Variants in RABGAP1L observed in about 807,000 individuals in gnomAD.
RABGAP1L encodes rab GTPase-activating protein 1-like.
RABGAP1L carries 63 observed loss-of-function variants against 137.7 expected under a neutral mutation model. The observed-to-expected ratio is 0.46, with a 90% CI of 0.37 to 0.56. The LOEUF (loss-of-function observed/expected upper bound fraction) is 0.56. Ranked by LOEUF, RABGAP1L falls within the 20% of genes least tolerant of loss-of-function variation. The pLI is 0.00. For missense variants in RABGAP1L, 1,095 were observed against 1,244.0 expected (o/e 0.88, Z 1.80); for synonymous variants, 431 against 433.7 (o/e 0.99, Z 0.08).
At position 174,327,990 on chromosome 1, in the gene RABGAP1L, T is replaced by C. The variant is rs908651886; in HGVS notation, c.1465+22863T>C. Among the ~76,000 whole-genome samples the C allele has an allele frequency of 2.6e-3, 95 of 36,352 alleles. 3 individuals carry two copies. Among genetic ancestry groups the C allele is most frequent in the African/African-American group, 8.7e-3 (87 of 10,054 alleles). The allele number at this position is 36,352 out of a possible 152,430, so 23.8% of individuals were successfully genotyped here. ...ATATATATATATATACACACACATA[T>C]ATATATATATATATATATATATATA... is the stretch of plus-strand genomic sequence containing the variant. On this transcript the variant is annotated intron_variant, in intron 11 of 25. Transcript: ENST00000681986.
intron 11 of RABGAP1L, among the ~76,000 whole-genome samples, chr1:174,350,178 G>T (rs1179345312): frequency 1.8e-4 from 25 of 138,512 alleles, no homozygotes; most frequent in Admixed American, 6.9e-4. Context: ...GGCTGGCCGG[G>T]CGGGGGGCTG....
At chr1:174,802,002 AT>A (rs1358447521) in intron 18 of RABGAP1L, among the ~76,000 whole-genome samples, 1 of 152,178 alleles carries the variant, frequency 6.6e-6, no homozygotes, top group Non-Finnish European at 1.5e-5. Flanking sequence ...TGGCATTTAC[AT>A]TTTCAGTGTT....
At position 174,272,443 on chromosome 1, in the gene RABGAP1L, G is replaced by A. The variant is rs1374812072; in HGVS notation, c.1016G>A (p.Arg339Gln). Residue 339 changes from arginine (R) to glutamine (Q), a missense_variant, in exon 8 of 26, where the codon CGA (arginine) becomes CAA (glutamine). Coordinates refer to ENST00000681986, the MANE Select transcript of RABGAP1L (RefSeq NM_001366446.1). ...RCFGMLLSPG[R>Q]NVKNSDMHLL... Reference sequence around the variant, plus strand: ...TTTGGAATGTTATTAAGCCCAGGTCGAAACGTGAAGAACAGTGACATGCAT... The same window carrying A: ...TTTGGAATGTTATTAAGCCCAGGTCAAAACGTGAAGAACAGTGACATGCAT... 3.7e-6 allele frequency: 6 copies of A among 1,600,930 alleles called. No individual in the cohort carries two copies. The highest frequency in any genetic ancestry group is 5.1e-6 in the Non-Finnish European group (6 of 1,174,968).
intron 13 of RABGAP1L, among the ~76,000 whole-genome samples, chr1:174,447,536 A>T (rs1488360046): frequency 6.6e-6 from 1 of 152,174 alleles, no homozygotes; most frequent in African/African-American, 2.4e-5. Context: ...TAGCTTTTCA[A>T]CCAAATTTGA....
chr1:174,168,155 C>T (rs1286511709), intron 1 of RABGAP1L, among the ~76,000 whole-genome samples: 1 of 150,024 alleles, frequency 6.7e-6, no homozygotes, highest in Non-Finnish European at 1.5e-5. Context: ...GTCCCAGCTA[C>T]TTGGGAGGCT....
intron 13 of RABGAP1L, among the ~76,000 whole-genome samples, chr1:174,578,069 G>C (rs1407175363): frequency 2.0e-5 from 3 of 152,082 alleles, no homozygotes; most frequent in African/African-American, 7.2e-5. Flanking sequence ...AAGTATAGTG[G>C]TAAAATGAAA....
At chr1:174,313,795 T>G (rs931428643) in intron 11 of RABGAP1L, among the ~76,000 whole-genome samples, 3 of 152,214 alleles carry the variant, frequency 2.0e-5, no homozygotes, top group Non-Finnish European at 2.9e-5. Context: ...CTTCATTCTG[T>G]TGATACGATG....
chr1:174,717,395 C>T (rs1167376315), intron 17 of RABGAP1L, among the ~76,000 whole-genome samples: 1 of 152,074 alleles, frequency 6.6e-6, no homozygotes, highest in African/African-American at 2.4e-5. Context: ...GGCAACAGAA[C>T]GAGATTCCTG....
intron 1 of RABGAP1L, among the ~76,000 whole-genome samples, chr1:174,161,682 G>A (rs1175959473): frequency 1.3e-5 from 2 of 152,208 alleles, no homozygotes; most frequent in East Asian, 1.9e-4. Flanking sequence ...GGCATATGGT[G>A]AATATACAAA....
intron 3 of RABGAP1L, among the ~76,000 whole-genome samples, chr1:174,223,465 T>C (rs889271479): frequency 2.5e-4 from 35 of 139,622 alleles, no homozygotes; most frequent in African/African-American, 8.4e-4. Context: ...AAAAAAAAGA[T>C]TTAACGACTT....
intron 18 of RABGAP1L, among the ~76,000 whole-genome samples, chr1:174,779,252 A>G (rs751923270): frequency 1.3e-5 from 2 of 152,140 alleles, no homozygotes; most frequent in African/African-American, 4.8e-5. Context: ...CCTAGCCCTT[A>G]TGTTGTGGCT....
chr1:174,653,278 G>T (rs567369588), intron 14 of RABGAP1L, among the ~76,000 whole-genome samples: 6 of 152,258 alleles, frequency 3.9e-5, no homozygotes, highest in African/African-American at 1.2e-4. Context: ...TGGCTCCCTG[G>T]CTTCAGCCCC....
At chr1:174,590,409 T>A (rs1457222077) in intron 13 of RABGAP1L, among the ~76,000 whole-genome samples, 2 of 131,736 alleles carry the variant, frequency 1.5e-5, no homozygotes, top group Non-Finnish European at 1.6e-5. Context: ...TGCAGGTTAG[T>A]TACATATGTA....
At chr1:174,632,419 C>T (rs1405515523) in intron 13 of RABGAP1L, among the ~76,000 whole-genome samples, 1 of 148,386 alleles carries the variant, frequency 6.7e-6, no homozygotes, top group Non-Finnish European at 1.5e-5. Context: ...CTCTGTATTT[C>T]CTGAATCTGA....
At chr1:174,945,226 A>G (rs1035650774) in intron 19 of RABGAP1L, among the ~76,000 whole-genome samples, 2 of 152,342 alleles carry the variant, frequency 1.3e-5, no homozygotes, top group South Asian at 4.1e-4. Flanking sequence ...ACAATTCAAC[A>G]TGTAACCAGA....
At chr1:174,876,222 A>G (rs1191693503) in intron 19 of RABGAP1L, among the ~76,000 whole-genome samples, 1 of 152,170 alleles carries the variant, frequency 6.6e-6, no homozygotes, top group Non-Finnish European at 1.5e-5. Flanking sequence ...TAATCCTGCT[A>G]TTGGTAATGA....
chr1:174,895,198 AGTTT>A (rs886742931), intron 19 of RABGAP1L, among the ~76,000 whole-genome samples: 7 of 152,224 alleles, frequency 4.6e-5, no homozygotes, highest in African/African-American at 9.6e-5. Flanking sequence ...CATTCTTTCA[AGTTT>A]GTTTGGAGAA....
chr1:174,549,969 C>G (rs1044203575), intron 13 of RABGAP1L, among the ~76,000 whole-genome samples: 3 of 152,072 alleles, frequency 2.0e-5, no homozygotes, highest in African/African-American at 7.3e-5. Context: ...GAGTTGAAGG[C>G]TGCAGTGCAC....
chr1:174,270,241 T>C (rs78947969), intron 7 of RABGAP1L, among the ~76,000 whole-genome samples: 3,561 of 151,966 alleles, frequency 0.023, 136 homozygotes, highest in African/African-American at 0.082. Context: ...CATTAAAGAT[T>C]ATCAAAATAA....
Sources: allele counts gnomAD v4.1 joint callset (sites outside exome capture counted in the v4.1 genomes callset), GRCh38; gene constraint gnomAD v4.1.1; transcripts MANE v1.5; gene names NCBI Gene and HGNC (gene_info 2026-07-23, HGNC 2026-07-21).